Variants in NPAS3 observed in about 807,000 individuals in gnomAD.
NPAS3 encodes the protein neuronal PAS domain protein 3, also known as neuronal PAS domain-containing protein 3.
In NPAS3, 14 loss-of-function variants were observed where a neutral mutation model predicts 73.1. The ratio of observed to expected loss-of-function variants is 0.19; its 90% CI spans 0.13 to 0.30. The LOEUF (loss-of-function observed/expected upper bound fraction) is 0.30. Among genes scored for constraint, NPAS3 ranks in the 10% least tolerant of loss-of-function variants. The pLI, the probability that NPAS3 is intolerant of heterozygous loss-of-function variation, is 1.00. For synonymous variants in NPAS3, 620 were observed against 541.5 expected (o/e 1.14, Z -2.01); for missense variants, 1,096 against 1,250.0 (o/e 0.88, Z 1.86).
chr14:33,085,115 C>T (rs546432882), intron 2 of NPAS3, among the ~76,000 whole-genome samples: 2 of 152,292 alleles, frequency 1.3e-5, no homozygotes, highest in Admixed American at 1.3e-4. Context: ...TTCTCCCTTA[C>T]CTGCTTCTTT....
rs1013694519 is a variant in NPAS3 at position 33,083,529 on chromosome 14, G to A, written c.140+27535G>A. 8.5e-5 allele frequency among the ~76,000 whole-genome samples: 13 copies of A among 152,180 alleles called. No individual in the cohort carries two copies. In the South Asian group the frequency reaches 1.7e-3, roughly 19 times the overall value. Reference sequence around the variant, plus strand: ...TTTTAAAATGTTGCTTCAGAAGGATGGGGTGATAGAATTATGTTACTTCTA... The same window carrying A: ...TTTTAAAATGTTGCTTCAGAAGGATAGGGTGATAGAATTATGTTACTTCTA... On this transcript the variant is annotated intron_variant, in intron 2 of 11. Coordinates refer to ENST00000356141, the Ensembl canonical transcript of NPAS3.
At chr14:33,151,949 T>C (rs1304373434) in intron 2 of NPAS3, among the ~76,000 whole-genome samples, 2 of 152,182 alleles carry the variant, frequency 1.3e-5, no homozygotes, top group African/African-American at 2.4e-5. Flanking sequence ...TGGATAGATA[T>C]ATTACGTATA....
intron 3 of NPAS3, among the ~76,000 whole-genome samples, chr14:33,239,946 A>G (rs1275644386): frequency 6.6e-6 from 1 of 151,918 alleles, no homozygotes; most frequent in Non-Finnish European, 1.5e-5. Context: ...CCATAGGAGT[A>G]GAACCCCTCA....
intron 1 of NPAS3, among the ~76,000 whole-genome samples, chr14:33,004,986 G>A (rs540046046): frequency 6.6e-6 from 1 of 151,914 alleles, no homozygotes; most frequent in East Asian, 1.9e-4. Flanking sequence ...GCTTGGAGCC[G>A]TCATCTCCTA....
At chr14:33,637,212 A>AAATTAGTCACAAATCTAT (rs1270784017) in intron 5 of NPAS3, among the ~76,000 whole-genome samples, 1 of 152,188 alleles carries the variant, frequency 6.6e-6, no homozygotes, top group Non-Finnish European at 1.5e-5. Context: ...TTTTCATTGA[A>AAATTAGTCACAAATCTAT]AATTAGTCAC....
intron 5 of NPAS3, among the ~76,000 whole-genome samples, chr14:33,652,104 T>C (rs911247390): frequency 6.6e-6 from 1 of 152,200 alleles, no homozygotes; most frequent in African/African-American, 2.4e-5. Context: ...CTTTTACTTG[T>C]ATTAAATTTG....
At chr14:33,760,554 G>C (rs2062251049) in intron 7 of NPAS3, among the ~76,000 whole-genome samples, 1 of 152,106 alleles carries the variant, frequency 6.6e-6, no homozygotes. Flanking sequence ...CCCTGAATGT[G>C]AGTAGTTCAT....
chr14:33,216,573 C>A (rs2047231888), intron 3 of NPAS3, among the ~76,000 whole-genome samples: 1 of 152,134 alleles, frequency 6.6e-6, no homozygotes, highest in Admixed American at 6.6e-5. Context: ...TCTAGAGCAA[C>A]AGTTGGCAAA....
intron 4 of NPAS3, among the ~76,000 whole-genome samples, chr14:33,419,524 A>G (rs79196904): frequency 0.017 from 2,617 of 151,956 alleles, 76 homozygotes; most frequent in African/African-American, 0.06. Context: ...GTAAATGCTT[A>G]TTTACTTGTA....
At chr14:33,659,379 AACATGT>A (rs1280124680) in intron 5 of NPAS3, among the ~76,000 whole-genome samples, 1 of 152,192 alleles carries the variant, frequency 6.6e-6, no homozygotes, top group Non-Finnish European at 1.5e-5. Flanking sequence ...TTCTATTAGG[AACATGT>A]AAGAGCGTTA....
intron 5 of NPAS3, among the ~76,000 whole-genome samples, chr14:33,622,480 A>G (rs953658321): frequency 6.6e-6 from 1 of 152,166 alleles, no homozygotes; most frequent in African/African-American, 2.4e-5. Context: ...TTGATAATGA[A>G]CCTGATGTTT....
At chr14:33,366,050 A>G (rs1051435673) in intron 3 of NPAS3, among the ~76,000 whole-genome samples, 1 of 152,218 alleles carries the variant, frequency 6.6e-6, no homozygotes, top group Non-Finnish European at 1.5e-5. Context: ...TGTTAGAAAT[A>G]TAGAAAGCAT....
chr14:33,549,833 T>A (rs935939388), intron 4 of NPAS3, among the ~76,000 whole-genome samples: 2 of 152,212 alleles, frequency 1.3e-5, no homozygotes, highest in East Asian at 3.9e-4. Context: ...GATTTCGGTG[T>A]AATCACCTTT....
At chr14:33,464,273 A>T (rs1470580743) in intron 4 of NPAS3, among the ~76,000 whole-genome samples, 2 of 152,210 alleles carry the variant, frequency 1.3e-5, no homozygotes, top group East Asian at 3.8e-4. Context: ...TAGTGAAGCT[A>T]GCATGTGTAT....
chr14:33,707,869 G>A (rs1279879333), intron 6 of NPAS3, among the ~76,000 whole-genome samples: 1 of 152,204 alleles, frequency 6.6e-6, no homozygotes, highest in African/African-American at 2.4e-5. Flanking sequence ...CGCTTTGCCT[G>A]CATGCGTGGC....
chr14:33,312,400 T>C (rs928145202), intron 3 of NPAS3, among the ~76,000 whole-genome samples: 2 of 152,062 alleles, frequency 1.3e-5, no homozygotes, highest in East Asian at 3.9e-4. Context: ...TTTTATTGTG[T>C]GTGTGTGTGT....
intron 6 of NPAS3, among the ~76,000 whole-genome samples, chr14:33,677,598 T>C (rs2059804727): frequency 1.5e-5 from 2 of 131,524 alleles, no homozygotes; most frequent in African/African-American, 6.1e-5. Context: ...GTAATCACGA[T>C]ATGTTTTCTC....
chr14:33,385,244 G>A (rs1044666548), intron 4 of NPAS3, among the ~76,000 whole-genome samples: 2 of 151,582 alleles, frequency 1.3e-5, no homozygotes, highest in Non-Finnish European at 1.5e-5. Context: ...TTGCCTTTTT[G>A]GGGGGTAGGT....
At chr14:33,270,195 A>G (rs1292905206) in intron 3 of NPAS3, among the ~76,000 whole-genome samples, 1 of 152,158 alleles carries the variant, frequency 6.6e-6, no homozygotes, top group Non-Finnish European at 1.5e-5. Flanking sequence ...CCTCCCAGAC[A>G]TTTCCAGAAG....
Sources: allele counts gnomAD v4.1 joint callset (sites outside exome capture counted in the v4.1 genomes callset), GRCh38; gene constraint gnomAD v4.1.1; transcripts MANE v1.5; gene names NCBI Gene and HGNC (gene_info 2026-07-23, HGNC 2026-07-21).